The following ANKS1B variants were observed in gnomAD, a reference collection of about 807,000 sequenced individuals.
ANKS1B encodes the protein ankyrin repeat and sterile alpha motif domain-containing protein 1B.
Under a neutral mutation model 148.3 loss-of-function variants are expected in ANKS1B, and 36 were observed. The observed-to-expected ratio is 0.24, with a 90% CI of 0.19 to 0.32. The LOEUF (loss-of-function observed/expected upper bound fraction) is 0.32, where lower values mean the gene tolerates loss of function less well. ANKS1B is among the 10% of genes least tolerant of loss of function. ANKS1B has a pLI of 1.00. For missense variants in ANKS1B, 1,157 were observed against 1,542.6 expected, an observed-to-expected ratio of 0.75 and a Z score of 4.19; for synonymous variants, 542 against 560.8, an observed-to-expected ratio of 0.97 and a Z score of 0.47.
intron 12 of ANKS1B, among the ~76,000 whole-genome samples, chr12:99,340,554 T>C (rs2152327382): frequency 6.6e-6 from 1 of 151,896 alleles, no homozygotes; most frequent in African/African-American, 2.4e-5. Flanking sequence ...TATATATATT[T>C]TCTTATGGAA....
chr12:99,246,313 A>C lies in ANKS1B; in HGVS notation c.2308T>G (p.Ser770Ala). Residue 770 changes from serine to alanine, a missense_variant, in exon 13 of 27, where the codon TCT becomes GCT. Ser to Ala is a moderately conservative substitution (Grantham distance 99). Around this residue, in one of 6 missense-constraint regions of ANKS1B, gnomAD observed 661 missense variants for 642.1 expected, o/e 1.03. Transcript: ENST00000683438. ...GATGTGAAGGATGGTGTTCTTTCAG[A>C]ATTCCCTTTAGAACTGTGTTCAGCA... ...STAEHSSKGNSERTPSFTSEW... is the reference protein window; with the variant it reads ...STAEHSSKGNAERTPSFTSEW... 1 of 1,603,240 alleles carries C rather than the reference A, an allele frequency of 6.2e-7. No individual in the cohort carries two copies. The highest frequency in any genetic ancestry group is 8.5e-7 in the Non-Finnish European group (1 of 1,175,170).
At chr12:99,747,673 T>C (rs1158597693) in intron 8 of ANKS1B, among the ~76,000 whole-genome samples, 1 of 152,168 alleles carries the variant, frequency 6.6e-6, no homozygotes, top group African/African-American at 2.4e-5. Context: ...TCCAGTCAAA[T>C]TGCTCCAAAT....
intron 8 of ANKS1B, among the ~76,000 whole-genome samples, chr12:99,721,971 G>T (rs2058131916): frequency 1.3e-5 from 2 of 152,216 alleles, no homozygotes; most frequent in Non-Finnish European, 2.9e-5. Context: ...GATCAAACCA[G>T]CCACAACATT....
intron 1 of ANKS1B, among the ~76,000 whole-genome samples, chr12:99,868,022 G>A (rs2090986124): frequency 6.6e-6 from 1 of 152,126 alleles, no homozygotes; most frequent in South Asian, 2.1e-4. Flanking sequence ...ACAGTAACAG[G>A]ATGAGGGAGA....
chr12:98,916,640 C>T (rs868521416), intron 17 of ANKS1B, among the ~76,000 whole-genome samples: 10 of 152,300 alleles, frequency 6.6e-5, no homozygotes, highest in Middle Eastern at 6.8e-3. Context: ...AACAAAATAT[C>T]GACAGCATAA....
At chr12:99,514,671 A>T (rs1243083579) in intron 9 of ANKS1B, among the ~76,000 whole-genome samples, 3 of 152,168 alleles carry the variant, frequency 2.0e-5, no homozygotes, top group South Asian at 4.1e-4. Context: ...TGTTCATGTG[A>T]TTGTGTCAAA....
chr12:99,683,368 G>A (rs2098632181), intron 8 of ANKS1B, among the ~76,000 whole-genome samples: 1 of 151,986 alleles, frequency 6.6e-6, no homozygotes, highest in Admixed American at 6.6e-5. Context: ...TCACAAAGTA[G>A]AAAAACCTAG....
At chr12:99,630,324 T>A (rs191817494) in intron 9 of ANKS1B, among the ~76,000 whole-genome samples, 128 of 152,312 alleles carry the variant, frequency 8.4e-4, no homozygotes, top group Non-Finnish European at 8.2e-4. Flanking sequence ...GATATCTCTG[T>A]TGTAATCAGT....
At chr12:99,160,785 T>C (rs2076582773) in intron 14 of ANKS1B, among the ~76,000 whole-genome samples, 1 of 152,204 alleles carries the variant, frequency 6.6e-6, no homozygotes, top group Non-Finnish European at 1.5e-5. Flanking sequence ...GCATAATTTG[T>C]TGCATAGGGA....
chr12:99,529,043 G>A (rs1453680960), intron 9 of ANKS1B, among the ~76,000 whole-genome samples: 1 of 152,104 alleles, frequency 6.6e-6, no homozygotes, highest in East Asian at 1.9e-4. Context: ...TTTTATTTCT[G>A]GCACTACTGT....
At chr12:99,195,080 G>A (rs2081230642) in intron 14 of ANKS1B, among the ~76,000 whole-genome samples, 1 of 152,188 alleles carries the variant, frequency 6.6e-6, no homozygotes, top group South Asian at 2.1e-4. Context: ...GAAATAAAAT[G>A]CTCTCATACT....
chr12:99,843,539 A>C (rs2086113973), intron 1 of ANKS1B, among the ~76,000 whole-genome samples: 1 of 152,152 alleles, frequency 6.6e-6, no homozygotes, highest in Non-Finnish European at 1.5e-5. Flanking sequence ...TAGTTTGCTG[A>C]GGATAATGGC....
intron 1 of ANKS1B, among the ~76,000 whole-genome samples, chr12:99,920,248 A>G (rs901843340): frequency 2.6e-5 from 4 of 152,170 alleles, no homozygotes; most frequent in African/African-American, 9.7e-5. Flanking sequence ...AAGCGGATAA[A>G]TAACTCCCAG....
At chr12:99,128,983 G>A (rs1379111129) in intron 15 of ANKS1B, among the ~76,000 whole-genome samples, 2 of 152,170 alleles carry the variant, frequency 1.3e-5, no homozygotes. Context: ...CATGCAGGAG[G>A]ATGGAGCAGG....
intron 14 of ANKS1B, among the ~76,000 whole-genome samples, chr12:99,205,603 G>A (rs2082573441): frequency 6.6e-6 from 1 of 152,134 alleles, no homozygotes; most frequent in Non-Finnish European, 1.5e-5. Context: ...TTCCTTTCAG[G>A]TTGGACTCCG....
At chr12:99,577,754 A>G (rs1224530303) in intron 9 of ANKS1B, among the ~76,000 whole-genome samples, 1 of 152,122 alleles carries the variant, frequency 6.6e-6, no homozygotes, top group South Asian at 2.1e-4. Flanking sequence ...ACCAACAGAA[A>G]AAGCCCTGGA....
In ANKS1B at chr12:99,099,341, A is replaced by G. The variant is rs116956406; in HGVS notation, c.2527-14318T>C. ...GCGGGGTGGGGGTCCCCTGTCTGCT[A>G]TGGATGGAGGTAATGTGGCACTGGA... On this transcript the variant is annotated intron_variant, in intron 15 of 26. Coordinates refer to ENST00000683438, the MANE Select transcript of ANKS1B (RefSeq NM_001352186.2). Among the ~76,000 whole-genome samples the G allele has an allele frequency of 4.1e-3, 619 of 152,336 alleles. 25 individuals carry two copies. In the East Asian group the frequency reaches 0.086, roughly 21 times the overall value.
At chr12:99,887,031 C>A (rs2092856876) in intron 1 of ANKS1B, among the ~76,000 whole-genome samples, 1 of 152,202 alleles carries the variant, frequency 6.6e-6, no homozygotes, top group African/African-American at 2.4e-5. Flanking sequence ...TATCTTGTAT[C>A]TTTCAACCTG....
chr12:99,898,657 T>C (rs1010368544), intron 1 of ANKS1B, among the ~76,000 whole-genome samples: 2 of 152,046 alleles, frequency 1.3e-5, no homozygotes, highest in African/African-American at 4.8e-5. Context: ...ATATAATGGG[T>C]AAATATGGAA....
Sources: allele counts gnomAD v4.1 joint callset (sites outside exome capture counted in the v4.1 genomes callset), GRCh38; gene constraint gnomAD v4.1.1; regional missense constraint gnomAD v4.1.1; transcripts MANE v1.5; gene names NCBI Gene and HGNC (gene_info 2026-07-23, HGNC 2026-07-21).